GLMN: variants seen among roughly 807,000 people sequenced by gnomAD.
The protein encoded by GLMN is glomulin, FKBP associated protein, also known as glomulin.
A neutral mutation model predicts 87.8 loss-of-function variants in GLMN; 75 were observed. That is an observed-to-expected ratio of 0.85 (90% CI 0.71 to 1.04). GLMN has a LOEUF of 1.04. Ranked by LOEUF, GLMN falls within the 50% of genes least tolerant of loss-of-function variation. GLMN has a pLI of 0.00. For synonymous variants in GLMN, 206 were observed against 221.6 expected, an observed-to-expected ratio of 0.93 and a Z score of 0.63; for missense variants, 588 against 658.8, an observed-to-expected ratio of 0.89 and a Z score of 1.18.
chr1:92,361,883 A>C, the GLMN span, among the ~76,000 whole-genome samples: 1 of 152,188 alleles, frequency 6.6e-6, no homozygotes, highest in Non-Finnish European at 1.5e-5. Flanking sequence ...AGAATTGGTT[A>C]TAGAGCAGTT....
chr1:92,340,724 G>A, the GLMN span, among the ~76,000 whole-genome samples: 11 of 152,024 alleles, frequency 7.2e-5, no homozygotes, highest in Admixed American at 5.9e-4. Flanking sequence ...CAGCTTTTTC[G>A]GCTCTATGAG....
At chr1:92,357,807 C>T in the GLMN span, among the ~76,000 whole-genome samples, 2 of 152,264 alleles carry the variant, frequency 1.3e-5, no homozygotes, top group African/African-American at 4.8e-5. Context: ...GTTGGGATTA[C>T]AGGCGTGAGC....
At chr1:92,300,080 T>C (rs538069416), upstream of GLMN, 21 of 694,082 alleles carry the variant, frequency 3.0e-5, no homozygotes. Flanking sequence ...TATCTAAACA[T>C]AGAAAAGGTA....
At chr1:92,369,824 G>C in the GLMN span, among the ~76,000 whole-genome samples, 2 of 152,100 alleles carry the variant, frequency 1.3e-5, no homozygotes, top group South Asian at 4.1e-4. Context: ...GCAGGTGTTT[G>C]GTAAGATCTT....
In GLMN at chr1:92,271,421, A is replaced by C. The variant is rs765243552; in HGVS notation, c.923+44T>G. ...CATTAGATAAATGAGAATTTTATGA[A>C]ATTCCTTTTAGAATACATGAATAAA... On this transcript the variant is annotated intron_variant, in intron 8 of 18. Coordinates refer to ENST00000370360, the MANE Select transcript of GLMN (RefSeq NM_053274.3). 6 of 1,424,806 alleles carry C rather than the reference A, an allele frequency of 4.2e-6. No homozygotes were observed. The South Asian group carries it at 4.6e-5, about 11-fold the overall frequency. The allele number at this position is 1,424,806 out of a possible 1,614,324, so 88.3% of individuals were successfully genotyped here.
intron 8 of GLMN, 114 bp from the exon 9 acceptor site, chr1:92,269,890 C>T: frequency 1.4e-6 from 1 of 724,284 alleles, no homozygotes; most frequent in Non-Finnish European, 2.5e-6. Context: ...ATGTTGGAGT[C>T]CTAACCTCTA....
At chr1:92,263,760 G>C in intron 14 of GLMN, 28 bp from the exon 15 acceptor site, 1 of 1,051,150 alleles carries the variant, frequency 9.5e-7, no homozygotes, top group Non-Finnish European at 1.5e-6. Context: ...AATTGAGAAA[G>C]CTTTATAATT....
Position 92,291,237 on chromosome 1 carries a change from T to C in GLMN, c.285+181A>G, listed in dbSNP as rs114717398. Among the ~76,000 whole-genome samples the C allele has an allele frequency of 3.8e-3, 578 of 152,354 alleles. 2 individuals are homozygous for C. Among genetic ancestry groups the C allele is most frequent in the Non-Finnish European group, 6.4e-3 (433 of 68,032 alleles). On this transcript the variant is annotated intron_variant, in intron 4 of 18. Transcript: ENST00000370360. ...AGACAATTCTTTTATCCAGAAAATT[T>C]GGGAAATCCTGAAATGGAATTGCCT...
Position 92,291,800 on chromosome 1 carries a change from T to C in GLMN, c.166-263A>G, listed in dbSNP as rs866348936. ...AAGTTGGTGTTTCCCAAGATTTAAA[T>C]AGTGCCTCTATTTCCAACAAAAGAG... On this transcript the variant is annotated intron_variant, in intron 3 of 18. Coordinates refer to ENST00000370360, the MANE Select transcript of GLMN (RefSeq NM_053274.3). Among the ~76,000 whole-genome samples, 18 of 152,352 alleles carry C rather than the reference T, an allele frequency of 1.2e-4. No individual in the cohort carries two copies. The Middle Eastern group carries it at 0.01, about 86-fold the overall frequency.
At chr1:92,344,395 ACT>A in the GLMN span, among the ~76,000 whole-genome samples, 4 of 152,056 alleles carry the variant, frequency 2.6e-5, no homozygotes, top group Admixed American at 1.3e-4. Context: ...ACAGAGCAAG[ACT>A]CTGTCTAAAA....
the GLMN span, among the ~76,000 whole-genome samples, chr1:92,319,071 A>G: frequency 2.6e-5 from 4 of 152,194 alleles, no homozygotes; most frequent in Non-Finnish European, 4.4e-5. Flanking sequence ...AGAGGTTTGT[A>G]GAGTAAATAC....
Position 92,262,934 on chromosome 1 carries a change from T to G in GLMN, c.1410-8A>C. 2 of 995,138 alleles carry G rather than the reference T, an allele frequency of 2.0e-6. No homozygotes were observed. Among genetic ancestry groups the G allele is most frequent in the Non-Finnish European group, 3.2e-6 (2 of 621,194 alleles). The allele number at this position is 995,138 out of a possible 1,614,324, so 61.6% of individuals were successfully genotyped here. A position where few individuals can be genotyped will look rare whatever the true frequency, so the allele number is the denominator to read the frequency against. On this transcript the variant is annotated splice_polypyrimidine_tract_variant and splice_region_variant and intron_variant, in intron 15 of 18. Transcript: ENST00000370360. Reference sequence around the variant, plus strand: ...TTTAATGAAGCCATAATCCTGTTAATTAAAAATATATGTTACTTACAGTAT... The same window carrying G: ...TTTAATGAAGCCATAATCCTGTTAAGTAAAAATATATGTTACTTACAGTAT...
intron 7 of GLMN, among the ~76,000 whole-genome samples, chr1:92,272,961 G>T (rs982011955): frequency 1.3e-5 from 2 of 152,026 alleles, no homozygotes; most frequent in African/African-American, 4.8e-5. Flanking sequence ...AATATTTATC[G>T]AGCAGCTCCA....
chr1:92,341,121 A>C, the GLMN span, among the ~76,000 whole-genome samples: 4 of 151,614 alleles, frequency 2.6e-5, no homozygotes, highest in Non-Finnish European at 5.9e-5. Flanking sequence ...CAATCCTCCC[A>C]CCTTAGCCTC....
At chr1:92,288,644 G>A (rs371705732) in intron 6 of GLMN, among the ~76,000 whole-genome samples, 5 of 152,018 alleles carry the variant, frequency 3.3e-5, no homozygotes, top group Middle Eastern at 6.8e-3. Flanking sequence ...GCCAAGGCTC[G>A]TCTCAAACTC....
the GLMN span, among the ~76,000 whole-genome samples, chr1:92,320,019 G>T: frequency 6.6e-6 from 1 of 151,064 alleles, no homozygotes; most frequent in African/African-American, 2.4e-5. Flanking sequence ...AAAAGAAAAA[G>T]AAAAAGTTAA....
chr1:92,267,829 GGGAAA>G, intron 11 of GLMN, 79 bp downstream of exon 11: 1 of 789,642 alleles, frequency 1.3e-6, no homozygotes, highest in Non-Finnish European at 2.3e-6. Context: ...AGAAAAGAGT[GGGAAA>G]GGAATCAGAA....
chr1:92,267,295 T>C (rs1180334794), intron 11 of GLMN, among the ~76,000 whole-genome samples: 2 of 152,206 alleles, frequency 1.3e-5, no homozygotes, highest in Non-Finnish European at 2.9e-5. Flanking sequence ...CCAAGATCCC[T>C]ACAGAAATAA....
the GLMN span, among the ~76,000 whole-genome samples, chr1:92,343,387 C>T: frequency 2.0e-5 from 3 of 152,140 alleles, no homozygotes; most frequent in Admixed American, 1.3e-4. Flanking sequence ...CATCAAACAA[C>T]GTGTCCAAAA....
Sources: allele counts gnomAD v4.1 joint callset (sites outside exome capture counted in the v4.1 genomes callset), GRCh38; gene constraint gnomAD v4.1.1; transcripts MANE v1.5; gene names NCBI Gene and HGNC (gene_info 2026-07-23, HGNC 2026-07-21).